PRKD1: variants seen among roughly 807,000 people sequenced by gnomAD.
The protein encoded by PRKD1 is serine/threonine-protein kinase D1.
Under a neutral mutation model 95.9 loss-of-function variants are expected in PRKD1, and 63 were observed. That is an observed-to-expected ratio of 0.66 (90% confidence interval 0.54 to 0.81). The LOEUF (loss-of-function observed/expected upper bound fraction) is 0.81. PRKD1 is among the 30% of genes least tolerant of loss of function. PRKD1 has a pLI of 0.00. For synonymous variants in PRKD1, 425 were observed against 423.1 expected, an observed-to-expected ratio of 1.00 and a Z score of -0.05; for missense variants, 1,048 against 1,165.3, an observed-to-expected ratio of 0.90 and a Z score of 1.47.
chr14:29,901,759 G>T (rs1189047996), intron 1 of PRKD1, among the ~76,000 whole-genome samples: 1 of 151,818 alleles, frequency 6.6e-6, no homozygotes, highest in East Asian at 1.9e-4. Flanking sequence ...ACTATGCTGG[G>T]CCCTTTTCAA....
chr14:29,784,925 C>T (rs1281226714), intron 1 of PRKD1, among the ~76,000 whole-genome samples: 1 of 152,314 alleles, frequency 6.6e-6, no homozygotes, highest in Admixed American at 6.5e-5. Context: ...GACTTTAGGG[C>T]AGCTTCAACC....
chr14:29,888,999 C>G (rs1893841218), intron 1 of PRKD1, among the ~76,000 whole-genome samples: 1 of 152,176 alleles, frequency 6.6e-6, no homozygotes, highest in South Asian at 2.1e-4. Context: ...ATCCCCTAAA[C>G]TGTGGTCTTC....
Position 29,692,653 on chromosome 14 carries a change from T to C in PRKD1, c.404-26445A>G, listed in dbSNP as rs544490923. Among the ~76,000 whole-genome samples the C allele has an allele frequency of 1.8e-4, 28 of 152,222 alleles. 1 individual carries two copies. In the South Asian group the frequency reaches 5.4e-3, roughly 29 times the overall value. On this transcript the variant is annotated intron_variant, in intron 2 of 17. Transcript: ENST00000331968. The stretch of plus-strand genomic sequence containing the variant: ...AATGTGTATTACAGGAAACATTATG[T>C]ACCCATTTAAAAAAAAAGGTGGCAT...
At chr14:29,729,656 C>A (rs919808263) in intron 1 of PRKD1, among the ~76,000 whole-genome samples, 2 of 151,864 alleles carry the variant, frequency 1.3e-5, no homozygotes, top group African/African-American at 4.8e-5. Flanking sequence ...TCATGGATTT[C>A]TTTTCCTATC....
At chr14:29,708,614 C>T (rs1271050489) in intron 2 of PRKD1, among the ~76,000 whole-genome samples, 3 of 152,124 alleles carry the variant, frequency 2.0e-5, no homozygotes, top group Non-Finnish European at 4.4e-5. Context: ...AATCCCTGCA[C>T]TTTGGAAGCA....
At chr14:29,713,167 T>C (rs1350938592) in intron 2 of PRKD1, among the ~76,000 whole-genome samples, 2 of 152,144 alleles carry the variant, frequency 1.3e-5, no homozygotes, top group African/African-American at 4.8e-5. Flanking sequence ...AAGTATTTGT[T>C]ATGATTTTTC....
At position 29,826,633 on chromosome 14, in the gene PRKD1, ATG is replaced by A. The variant is rs1206414588; in HGVS notation, c.264+100614_264+100615del. Among the ~76,000 whole-genome samples the A allele has an allele frequency of 3.1e-3, 338 of 109,142 alleles. 9 individuals are homozygous for A. The South Asian group carries it at 0.036, about 11-fold the overall frequency. 71.6% of individuals were successfully genotyped at this position (109,142 alleles called of 152,430 possible). ...TACATACATATACACACACATATAT[ATG>A]TGTGTGTGTATATATATGTGTGTGT... On this transcript the variant is annotated intron_variant, in intron 1 of 17. Coordinates refer to ENST00000331968, the MANE Select transcript of PRKD1 (RefSeq NM_002742.3).
chr14:29,706,718 C>T (rs1885109568), intron 2 of PRKD1, among the ~76,000 whole-genome samples: 1 of 152,096 alleles, frequency 6.6e-6, no homozygotes, highest in African/African-American at 2.4e-5. Context: ...TATTGTTACA[C>T]TTACAAATTA....
chr14:29,647,703 G>A (rs1206418479), intron 4 of PRKD1, among the ~76,000 whole-genome samples: 2 of 152,184 alleles, frequency 1.3e-5, no homozygotes, highest in Non-Finnish European at 2.9e-5. Flanking sequence ...GGCCACAAAG[G>A]TGAGAGCCTC....
At chr14:29,640,961 T>A (rs1880721209) in intron 4 of PRKD1, among the ~76,000 whole-genome samples, 1 of 152,232 alleles carries the variant, frequency 6.6e-6, no homozygotes, top group Non-Finnish European at 1.5e-5. Context: ...GGGAATCTAG[T>A]AAACTGAATA....
At chr14:29,703,206 A>G (rs552511875) in intron 2 of PRKD1, among the ~76,000 whole-genome samples, 2 of 152,272 alleles carry the variant, frequency 1.3e-5, no homozygotes, top group South Asian at 2.1e-4. Context: ...ATCACCTTCC[A>G]TGCAAAAACA....
chr14:29,737,322 C>T (rs1886772257), intron 1 of PRKD1, among the ~76,000 whole-genome samples: 3 of 88,588 alleles, frequency 3.4e-5, no homozygotes, highest in Admixed American at 1.4e-4. Context: ...GAGCGAGACT[C>T]CGTCTCAAAA....
At chr14:29,756,336 G>A (rs538431936) in intron 1 of PRKD1, among the ~76,000 whole-genome samples, 112 of 152,200 alleles carry the variant, frequency 7.4e-4, no homozygotes, top group African/African-American at 2.5e-3. Context: ...TGTACTATGC[G>A]TAAAGACTTT....
chr14:29,911,639 A>G (rs1438737350), intron 1 of PRKD1, among the ~76,000 whole-genome samples: 1 of 152,216 alleles, frequency 6.6e-6, no homozygotes, highest in Non-Finnish European at 1.5e-5. Flanking sequence ...AGTATGATCC[A>G]CTTTGGGGCT....
chr14:29,641,816 T>G (rs148559048), intron 4 of PRKD1, among the ~76,000 whole-genome samples: 1 of 152,164 alleles, frequency 6.6e-6, no homozygotes, highest in African/African-American at 2.4e-5. Flanking sequence ...TAATATATAT[T>G]TATCTATATT....
At chr14:29,919,455 A>T (rs936637398) in intron 1 of PRKD1, among the ~76,000 whole-genome samples, 6 of 148,150 alleles carry the variant, frequency 4.0e-5, no homozygotes, top group Non-Finnish European at 8.8e-5. Flanking sequence ...TGAGACCAGA[A>T]AAAGTAAGAA....
At chr14:29,688,560 AC>A (rs1884018618) in intron 2 of PRKD1, among the ~76,000 whole-genome samples, 1 of 152,170 alleles carries the variant, frequency 6.6e-6, no homozygotes, top group Non-Finnish European at 1.5e-5. Flanking sequence ...CAGTGTAGTA[AC>A]CTAGTATTCC....
intron 1 of PRKD1, among the ~76,000 whole-genome samples, chr14:29,757,091 A>G (rs1887737241): frequency 6.6e-6 from 1 of 152,214 alleles, no homozygotes; most frequent in African/African-American, 2.4e-5. Flanking sequence ...TGAATCAATC[A>G]TGTGTGAATG....
intron 1 of PRKD1, among the ~76,000 whole-genome samples, chr14:29,759,898 A>G (rs1430668094): frequency 6.6e-6 from 1 of 152,192 alleles, no homozygotes; most frequent in Non-Finnish European, 1.5e-5. Context: ...CACAGGCAAA[A>G]TATTTTCTAT....
Sources: gnomAD v4.1 joint callset for allele counts (sites outside exome capture counted in the v4.1 genomes callset) on GRCh38, gnomAD v4.1.1 for gene constraint, MANE v1.5 for transcripts, NCBI Gene and HGNC (gene_info 2026-07-23, HGNC 2026-07-21) for gene names.